GPATCH2: variants seen among roughly 807,000 people sequenced by gnomAD.
The protein encoded by GPATCH2 is G-patch domain containing 2.
In GPATCH2, 51 loss-of-function variants were observed where a neutral mutation model predicts 58.0. The ratio of observed to expected loss-of-function variants is 0.88; its 90% CI spans 0.70 to 1.11. GPATCH2 has a LOEUF of 1.11. Ranked by LOEUF, GPATCH2 falls within the 50% of genes most tolerant of loss-of-function variation. GPATCH2 has a pLI of 0.00. For synonymous variants in GPATCH2, 222 were observed against 218.5 expected (o/e 1.02, Z -0.14); for missense variants, 625 against 652.2 (o/e 0.96, Z 0.45).
chr1:217,589,909 T>A (rs1362227848), intron 5 of GPATCH2, among the ~76,000 whole-genome samples: 1 of 152,132 alleles, frequency 6.6e-6, no homozygotes, highest in African/African-American at 2.4e-5. Context: ...AGTGCTTCTA[T>A]AACCAACTCT....
chr1:217,596,121 A>G (rs2102779479), intron 5 of GPATCH2, among the ~76,000 whole-genome samples: 1 of 152,258 alleles, frequency 6.6e-6, no homozygotes, highest in East Asian at 1.9e-4. Context: ...AAGGATGAAG[A>G]GTATCTTTAC....
intron 5 of GPATCH2, among the ~76,000 whole-genome samples, chr1:217,584,344 A>AAAAAAAAAAAAAAAAAATATAT (rs1463910405): frequency 1.1e-4 from 11 of 101,850 alleles, no homozygotes; most frequent in Non-Finnish European, 1.8e-4. Flanking sequence ...AAAAAAAAAA[A>AAAAAAAAAAAAAAAAAATATAT]ATATATATAT....
At chr1:217,507,126 A>C (rs912994875) in intron 6 of GPATCH2, among the ~76,000 whole-genome samples, 1 of 152,164 alleles carries the variant, frequency 6.6e-6, no homozygotes, top group Non-Finnish European at 1.5e-5. Flanking sequence ...ACCCTCATAA[A>C]TATCTTCTGA....
intron 5 of GPATCH2, chr1:217,609,442 T>C: frequency 1.0e-6 from 1 of 984,550 alleles, no homozygotes; most frequent in Non-Finnish European, 1.2e-6. Context: ...ATTTAAAAGG[T>C]AAATGATTCT....
intron 5 of GPATCH2, among the ~76,000 whole-genome samples, chr1:217,589,944 CTG>C (rs1049589474): frequency 8.6e-5 from 13 of 151,870 alleles, no homozygotes; most frequent in African/African-American, 3.1e-4. Context: ...TAAGGCAAAA[CTG>C]TGTGTAGTGT....
intron 9 of GPATCH2, among the ~76,000 whole-genome samples, chr1:217,443,719 C>G (rs1184821593): frequency 6.6e-6 from 1 of 152,058 alleles, no homozygotes; most frequent in East Asian, 1.9e-4. Flanking sequence ...TCTCTCTGTG[C>G]TGCTTTTATG....
chr1:217,551,917 C>T (rs1013558601), intron 5 of GPATCH2, among the ~76,000 whole-genome samples: 5 of 152,064 alleles, frequency 3.3e-5, no homozygotes, highest in African/African-American at 1.2e-4. Flanking sequence ...ATTTAGTTTT[C>T]AGTTATCATA....
At chr1:217,433,442 G>A (rs901973690) in intron 9 of GPATCH2, among the ~76,000 whole-genome samples, 1 of 150,184 alleles carries the variant, frequency 6.7e-6, no homozygotes, top group Non-Finnish European at 1.5e-5. Flanking sequence ...TGTTGCCCAG[G>A]CCAGAGTGCA....
Position 217,620,513 on chromosome 1 carries a change from A to G in GPATCH2, c.57-14T>C. The G allele has an allele frequency of 6.6e-7, 1 of 1,505,358 alleles. No individual in the cohort carries two copies. The highest frequency in any genetic ancestry group is 9.1e-7 in the Non-Finnish European group (1 of 1,098,426). The allele number at this position is 1,505,358 out of a possible 1,614,324, so 93.3% of individuals were successfully genotyped here. ...CTACTGAAATGCCTTCATTTTTTAG[A>G]GAAAGAAAAAAGAAAATAGTCAGTC... On this transcript the variant is annotated splice_polypyrimidine_tract_variant and intron_variant, in intron 1 of 9. Transcript: ENST00000366935.
intron 5 of GPATCH2, among the ~76,000 whole-genome samples, chr1:217,542,478 G>T (rs1242595484): frequency 6.6e-6 from 1 of 152,124 alleles, no homozygotes; most frequent in Non-Finnish European, 1.5e-5. Context: ...CTCTTTTTGG[G>T]GTGGGGGAAG....
chr1:217,530,241 G>A (rs1664122796), intron 5 of GPATCH2, among the ~76,000 whole-genome samples: 1 of 152,190 alleles, frequency 6.6e-6, no homozygotes, highest in South Asian at 2.1e-4. Context: ...GCACAGAGAT[G>A]AAAACTGGGC....
intron 6 of GPATCH2, among the ~76,000 whole-genome samples, chr1:217,503,003 A>G (rs1662379652): frequency 6.6e-6 from 1 of 152,168 alleles, no homozygotes; most frequent in Non-Finnish European, 1.5e-5. Flanking sequence ...TTCTAGCTCT[A>G]GAAATTGGCT....
intron 9 of GPATCH2, among the ~76,000 whole-genome samples, chr1:217,441,452 T>C (rs1047780436): frequency 1.3e-5 from 2 of 152,146 alleles, no homozygotes; most frequent in African/African-American, 4.8e-5. Context: ...AAAGACTTCA[T>C]GACTAAAACA....
chr1:217,452,052 G>C (rs1454566037), intron 8 of GPATCH2, among the ~76,000 whole-genome samples: 1 of 152,110 alleles, frequency 6.6e-6, no homozygotes, highest in African/African-American at 2.4e-5. Flanking sequence ...CTGGACCATG[G>C]GGCCATACAT....
chr1:217,608,146 A>C (rs1000260079), intron 5 of GPATCH2: 1 of 340,988 alleles, frequency 2.9e-6, no homozygotes, highest in Non-Finnish European at 4.2e-6. Context: ...AAAACTTAGC[A>C]AATGAAATCA....
chr1:217,613,356 A>G (rs1247309235), intron 3 of GPATCH2, among the ~76,000 whole-genome samples: 1 of 152,124 alleles, frequency 6.6e-6, no homozygotes, highest in East Asian at 1.9e-4. Context: ...AACATCATTA[A>G]CTAAATTTAT....
chr1:217,521,759 A>G (rs187913927), intron 5 of GPATCH2, among the ~76,000 whole-genome samples: 1 of 152,204 alleles, frequency 6.6e-6, no homozygotes, highest in African/African-American at 2.4e-5. Flanking sequence ...AAATCTAAAT[A>G]CGTGATTACA....
At position 217,476,281 on chromosome 1, in the gene GPATCH2, A is replaced by G. The variant is rs537754302; in HGVS notation, c.1277+15399T>C. On this transcript the variant is annotated intron_variant, in intron 8 of 9. Transcript: ENST00000366935. Reference sequence around the variant, plus strand: ...GTGTGTGTGTGTATTGTTGTGGGGGACACAGCAAGAAATCGATATGCACAG... The same window carrying G: ...GTGTGTGTGTGTATTGTTGTGGGGGGCACAGCAAGAAATCGATATGCACAG... Among the ~76,000 whole-genome samples the G allele has an allele frequency of 2.8e-5, 4 of 144,772 alleles. No homozygotes were observed. The East Asian group carries it at 8.5e-4, about 31-fold the overall frequency. The allele number at this position is 144,772 out of a possible 152,430, so 95.0% of individuals were successfully genotyped here.
chr1:217,539,151 T>G (rs1664611394), intron 5 of GPATCH2, among the ~76,000 whole-genome samples: 1 of 152,012 alleles, frequency 6.6e-6, no homozygotes. Context: ...CCTTAGTACA[T>G]CAGATTAAAA....
Sources: gnomAD v4.1 joint callset for allele counts (sites outside exome capture counted in the v4.1 genomes callset) on GRCh38, gnomAD v4.1.1 for gene constraint, MANE v1.5 for transcripts, NCBI Gene and HGNC (gene_info 2026-07-23, HGNC 2026-07-21) for gene names.